Variants in SMC2 observed in about 807,000 individuals in gnomAD.
The protein encoded by SMC2 is structural maintenance of chromosomes 2, also known as structural maintenance of chromosomes protein 2.
A neutral mutation model predicts 142.6 loss-of-function variants in SMC2; 41 were observed. That is an observed-to-expected ratio of 0.29 (90% CI 0.22 to 0.37). The LOEUF is 0.37. Among genes scored for constraint, SMC2 ranks in the 10% least tolerant of loss-of-function variants. SMC2 has a pLI of 1.00. For missense variants in SMC2, 1,265 were observed against 1,373.7 expected (o/e 0.92, Z 1.25); for synonymous variants, 463 against 457.5 (o/e 1.01, Z -0.15).
chr9:104,138,241 C>G, intron 24 of SMC2, 76 bp downstream of exon 24: 1 of 1,187,384 alleles, frequency 8.4e-7, no homozygotes, highest in Admixed American at 2.2e-5. Flanking sequence ...AGTTAGTAGT[C>G]AATGTTAATA....
At chr9:104,109,935 A>G (rs1386058452) in intron 9 of SMC2, among the ~76,000 whole-genome samples, 6 of 152,230 alleles carry the variant, frequency 3.9e-5, no homozygotes, top group Non-Finnish European at 8.8e-5. Context: ...TAAAGATGCA[A>G]TATTAAATGA....
At chr9:104,096,841 C>G (rs1830489030) in intron 3 of SMC2, among the ~76,000 whole-genome samples, 1 of 152,152 alleles carries the variant, frequency 6.6e-6, no homozygotes. Context: ...TTCCTAGTTC[C>G]TTCACTTGCC....
Position 104,114,034 on chromosome 9 carries a change from A to T in SMC2, c.1485A>T (p.Thr495=). ...GTGATATTGGTAGATTGAAAGAAAC[A>T]TATGAAGCTCTATTAGCCAGATTTC... ...LSRDIGRLKE[T]YEALLARFPN... The change falls in exon 12 of 25, where the codon ACA becomes ACT. Residue 495 remains threonine, a synonymous_variant. Coordinates refer to ENST00000374793, the MANE Select transcript of SMC2 (RefSeq NM_006444.3). The T allele has an allele frequency of 6.2e-7, 1 of 1,601,702 alleles. No individual in the cohort carries two copies. The highest frequency in any genetic ancestry group is 2.3e-5 in the East Asian group (1 of 44,258).
upstream of SMC2, chr9:104,094,190 C>T: frequency 2.5e-6 from 1 of 393,004 alleles, no homozygotes. Context: ...ATTCTATTGC[C>T]CTGCGGCTTT....
Position 104,120,145 on chromosome 9 carries a change from T to C in SMC2, c.2115T>C (p.Leu705=), listed in dbSNP as rs1032056039. Residue 705 remains leucine (L), a synonymous_variant, in exon 16 of 25, where the codon CTT becomes CTC. Transcript: ENST00000374793. The stretch of plus-strand genomic sequence containing the variant: ...CTCTAGAAGAGGAATTAGCAGGTCT[T>C]AAAAACACTGCTGAAAAGTAAGAAC... ...LRALEEELAG[L]KNTAEKYRQL... 3.1e-6 allele frequency: 5 copies of C among 1,610,526 alleles called. No individual in the cohort carries two copies. The highest frequency in any genetic ancestry group is 1.7e-5 in the Admixed American group (1 of 59,098).
intron 16 of SMC2, among the ~76,000 whole-genome samples, chr9:104,121,507 A>AT (rs986332331): frequency 5.4e-4 from 81 of 150,768 alleles, no homozygotes; most frequent in African/African-American, 1.8e-3. Flanking sequence ...AAAAAAAAGA[A>AT]TTTTTTTTTT....
At chr9:104,099,469 A>G (rs953342622) in intron 4 of SMC2, among the ~76,000 whole-genome samples, 175 bp from the exon 5 acceptor site, 2 of 152,044 alleles carry the variant, frequency 1.3e-5, no homozygotes, top group East Asian at 3.8e-4. Flanking sequence ...CTGGTGAGAA[A>G]GTGAATAGCA....
upstream of SMC2, chr9:104,094,274 A>C (rs1044301062): frequency 5.0e-6 from 2 of 398,460 alleles, no homozygotes; most frequent in Non-Finnish European, 4.4e-6. Context: ...GGAAATAAGC[A>C]ATGGAGGTGG....
rs145598831 is a variant in SMC2 at position 104,120,116 on chromosome 9, C to T, written c.2086C>T (p.Arg696Trp). The T allele has an allele frequency of 1.4e-5, 23 of 1,613,614 alleles. No homozygotes were observed. The East Asian group carries it at 2.5e-4, about 17-fold the overall frequency. Residue 696 changes from arginine (R) to tryptophan (W), a missense_variant, in exon 16 of 25, where the codon CGG becomes TGG. Arg to Trp is a moderately radical substitution (Grantham distance 101). Coordinates refer to ENST00000374793, the MANE Select transcript of SMC2 (RefSeq NM_006444.3). ...DELRIKENEL[R>W]ALEEELAGLK... The stretch of plus-strand genomic sequence containing the variant: ...ACTGAGAATCAAAGAGAATGAGCTG[C>T]GGGCTCTAGAAGAGGAATTAGCAGG...
Position 104,127,717 on chromosome 9 carries a change from A to G in SMC2, c.2790+237A>G, listed in dbSNP as rs187325208. On this transcript the variant is annotated intron_variant, in intron 20 of 24. Transcript: ENST00000374793. The stretch of plus-strand genomic sequence containing the variant: ...ATATTTTTTCCCATCTACAGGATGT[A>G]TTTACCAAATGTTTAGTGGTCTCCC... 1.4e-3 allele frequency among the ~76,000 whole-genome samples: 212 copies of G among 152,290 alleles called. 2 individuals carry two copies. The highest frequency in any genetic ancestry group is 4.8e-3 in the African/African-American group (198 of 41,558).
At chr9:104,123,624 G>T (rs748390877) in intron 17 of SMC2, among the ~76,000 whole-genome samples, 2 of 152,056 alleles carry the variant, frequency 1.3e-5, no homozygotes, top group Non-Finnish European at 2.9e-5. Context: ...GTTTATACTT[G>T]TGTGAATTTT....
At chr9:104,089,001 G>A in the SMC2 span, among the ~76,000 whole-genome samples, 1 of 151,710 alleles carries the variant, frequency 6.6e-6, no homozygotes, top group South Asian at 2.1e-4. Context: ...AAAAGACATG[G>A]TAATCTAAGG....
upstream of SMC2, among the ~76,000 whole-genome samples, chr9:104,093,715 C>G (rs1830146297): frequency 6.6e-6 from 1 of 152,178 alleles, no homozygotes; most frequent in Non-Finnish European, 1.5e-5. Context: ...GATCCCTTTC[C>G]GACGTGGAAA....
intron 18 of SMC2, among the ~76,000 whole-genome samples, chr9:104,125,959 CCACAGACCAGTAACAGAGGAGGTGT>C (rs1263521682): frequency 6.6e-6 from 1 of 152,134 alleles, no homozygotes; most frequent in Non-Finnish European, 1.5e-5. Context: ...ACCCCCCAGG[CCACAGACCAGTAACAGAGGAGGTGT>C]GTGACAGGCA....
At chr9:104,093,582 A>T (rs1161408613), upstream of SMC2, among the ~76,000 whole-genome samples, 1 of 124,418 alleles carries the variant, frequency 8.0e-6, no homozygotes, top group Non-Finnish European at 1.8e-5. Flanking sequence ...AGGTTTCCAG[A>T]AAAAATCCCC....
In SMC2 at chr9:104,101,979, A is replaced by T; in HGVS notation, c.656A>T (p.Glu219Val). 1 of 1,596,968 alleles carries T rather than the reference A, an allele frequency of 6.3e-7. No homozygotes were observed. The highest frequency in any genetic ancestry group is 2.2e-5 in the East Asian group (1 of 44,582). The change falls in exon 8 of 25, where the codon GAG (glutamate) becomes GTG (valine). Residue 219 changes from glutamate to valine, a missense_variant. This residue lies in a region of SMC2 where 898 missense variants were observed against 904.2 expected (regional missense o/e 0.99). Coordinates refer to ENST00000374793, the MANE Select transcript of SMC2 (RefSeq NM_006444.3). ...KLKEERSSYLEYQKVMREIEH... is the reference protein window; with the variant it reads ...KLKEERSSYLVYQKVMREIEH... ...TTTCAGGAAAGATCGTCCTACTTGG[A>T]GTACCAAAAAGTAATGAGAGAAATA...
rs190170701 is a variant in SMC2 at position 104,122,535 on chromosome 9, T to C, written c.2133-573T>C. On this transcript the variant is annotated intron_variant, in intron 16 of 24. Transcript: ENST00000374793. ...AGGTACTTTGTGAATTTGTATTAAC[T>C]TGAAATTTCACTGCAACTGAATTAG... 3.8e-3 allele frequency among the ~76,000 whole-genome samples: 577 copies of C among 152,006 alleles called. 5 individuals carry two copies. Among genetic ancestry groups the C allele is most frequent in the African/African-American group, 0.013 (544 of 41,530 alleles).
At chr9:104,113,195 C>T in intron 10 of SMC2, 121 bp from the exon 11 acceptor site, 1 of 644,688 alleles carries the variant, frequency 1.6e-6, no homozygotes, top group South Asian at 4.2e-5. Context: ...TCCAAGAGAC[C>T]AAACAATTAA....
intron 8 of SMC2, 33 bp downstream of exon 8, chr9:104,102,226 C>T: frequency 3.1e-6 from 4 of 1,305,940 alleles, no homozygotes; most frequent in Non-Finnish European, 4.3e-6. Context: ...CGATAATATA[C>T]TCTGTGAAAA....
Sources: gnomAD v4.1 joint callset for allele counts (sites outside exome capture counted in the v4.1 genomes callset) on GRCh38, gnomAD v4.1.1 for gene constraint, gnomAD v4.1.1 regional missense constraint, MANE v1.5 for transcripts, NCBI Gene and HGNC (gene_info 2026-07-23, HGNC 2026-07-21) for gene names.